The following CNNM1 variants were observed in gnomAD, a reference collection of about 807,000 sequenced individuals.
The protein encoded by CNNM1 is metal transporter CNNM1.
A neutral mutation model predicts 78.8 loss-of-function variants in CNNM1; 44 were observed. That is an observed-to-expected ratio of 0.56 (90% CI 0.44 to 0.72). The LOEUF is 0.72. Among genes scored for constraint, CNNM1 ranks in the 30% least tolerant of loss-of-function variants. The pLI is 0.00. For missense variants in CNNM1, 1,101 were observed against 1,292.2 expected (o/e 0.85, Z 2.27); for synonymous variants, 584 against 581.5 (o/e 1.00, Z -0.06).
At chr10:99,356,572 G>GAAAGAAAAGAAAAGAAAGAAAGAAAGA (rs1554940050) in intron 1 of CNNM1, among the ~76,000 whole-genome samples, 1 of 115,202 alleles carries the variant, frequency 8.7e-6, no homozygotes, top group Non-Finnish European at 1.8e-5. Context: ...CAGAAAGAAA[G>GAAAGAAAAGAAAAGAAAGAAAGAAAGA]AAAGAAAGAA....
At chr10:99,331,449 A>G (rs1367220323) in intron 1 of CNNM1, among the ~76,000 whole-genome samples, 2 of 152,242 alleles carry the variant, frequency 1.3e-5, no homozygotes, top group Non-Finnish European at 2.9e-5. Flanking sequence ...ATAGAGCAGA[A>G]TTTGTGTCTC....
chr10:99,340,861 GCTTC>G lies in CNNM1; in HGVS notation c.1573+9916_1573+9919del, dbSNP rs936044538. On this transcript the variant is annotated intron_variant, in intron 1 of 10. Transcript: ENST00000356713. Reference sequence around the variant, plus strand: ...TCTCTTTCTCTTTCTCTCCTTCCCCGCTTCCTTCCTTCCTTCCTGCCTGCCTGCC... The same window carrying G: ...TCTCTTTCTCTTTCTCTCCTTCCCCGCTTCCTTCCTTCCTGCCTGCCTGCC... Among the ~76,000 whole-genome samples, 102 of 132,836 alleles carry G rather than the reference GCTTC, an allele frequency of 7.7e-4. 1 individual carries two copies. The East Asian group carries it at 0.019, about 25-fold the overall frequency. 87.1% of individuals were successfully genotyped at this position (132,836 alleles called of 152,430 possible). A position where few individuals can be genotyped will look rare whatever the true frequency, so the allele number is the denominator to read the frequency against.
In CNNM1 at chr10:99,330,348, A is replaced by C; in HGVS notation, c.961A>C (p.Ile321Leu). Reference sequence around the variant, plus strand: ...CGGGGAAGACTACAGCGAAGAGGGGATCCACTTCCCGTGGCTGCCGGCGCT... The same window carrying C: ...CGGGGAAGACTACAGCGAAGAGGGGCTCCACTTCCCGTGGCTGCCGGCGCT... ...GTGEDYSEEG[I>L]HFPWLPALVC... Residue 321 changes from isoleucine to leucine, a missense_variant, in exon 1 of 11, where the codon ATC becomes CTC. Ile to Leu is a conservative substitution (Grantham distance 5, BLOSUM62 2). Around this residue, in one of 3 missense-constraint regions of CNNM1, gnomAD observed 476 missense variants for 484.5 expected, o/e 0.98. Transcript: ENST00000356713. 1 of 1,601,410 alleles carries C rather than the reference A, an allele frequency of 6.2e-7. No homozygotes were observed. The highest frequency in any genetic ancestry group is 8.5e-7 in the Non-Finnish European group (1 of 1,175,010).
chr10:99,335,536 C>T (rs2030135737), intron 1 of CNNM1, among the ~76,000 whole-genome samples: 1 of 152,068 alleles, frequency 6.6e-6, no homozygotes, highest in East Asian at 1.9e-4. Context: ...TGAGGTGAAC[C>T]CTAAGTACGG....
rs1291600090 is a variant in CNNM1, at chr10:99,330,156, C to G, written c.769C>G (p.Leu257Val). Residue 257 changes from leucine to valine, a missense_variant, in exon 1 of 11, where the codon CTG becomes GTG. Leu to Val is a conservative substitution (Grantham distance 32, BLOSUM62 1). Coordinates refer to ENST00000356713, the MANE Select transcript of CNNM1 (RefSeq NM_020348.3). ...LSLDPVELRVLRNSGSAAEQE... is the reference protein window; with the variant it reads ...LSLDPVELRVVRNSGSAAEQE... ...GCTGGACCCGGTGGAGTTACGGGTG[C>G]TGCGGAACAGCGGCTCGGCCGCCGA... 1.9e-6 allele frequency: 3 copies of G among 1,538,640 alleles called. No homozygotes were observed. In the East Asian group the frequency reaches 7.3e-5, roughly 37 times the overall value.
chr10:99,368,755 T>A (rs2031710170), intron 6 of CNNM1: 3 of 1,068,728 alleles, frequency 2.8e-6, no homozygotes, highest in Non-Finnish European at 3.8e-6. Flanking sequence ...TCTGTCACTT[T>A]CCTGCATGAG....
At chr10:99,360,685 C>A in intron 2 of CNNM1, 150 bp from the exon 3 acceptor site, 1 of 1,013,762 alleles carries the variant, frequency 9.9e-7, no homozygotes, top group South Asian at 1.8e-5. Context: ...TATCCCTCAC[C>A]AACATCCTTC....
At chr10:99,343,934 G>T (rs1295142555) in intron 1 of CNNM1, among the ~76,000 whole-genome samples, 1 of 151,028 alleles carries the variant, frequency 6.6e-6, no homozygotes, top group Admixed American at 6.6e-5. Context: ...TATTGGCCAG[G>T]CTGGTCTCGA....
intron 1 of CNNM1, among the ~76,000 whole-genome samples, chr10:99,355,158 T>C (rs2031090106): frequency 6.6e-6 from 1 of 151,804 alleles, no homozygotes; most frequent in Non-Finnish European, 1.5e-5. Flanking sequence ...TTTTTAGCAA[T>C]GGCCAAGCAA....
chr10:99,367,540 C>T (rs59021036), intron 6 of CNNM1, among the ~76,000 whole-genome samples: 13,590 of 152,116 alleles, frequency 0.089, 1,921 homozygotes, highest in African/African-American at 0.3. Flanking sequence ...ACAATGTATA[C>T]AGTTTGGTGT....
At chr10:99,355,846 G>A (rs1452085939) in intron 1 of CNNM1, among the ~76,000 whole-genome samples, 2 of 152,160 alleles carry the variant, frequency 1.3e-5, no homozygotes, top group African/African-American at 2.4e-5. Context: ...AGTAAGACCT[G>A]AATAAATGGA....
In CNNM1 at chr10:99,388,131, T is replaced by C. The variant is rs370109245; in HGVS notation, c.2525-21T>C. ...GGTCTTCTCCAAAGCAGAGAGGTGA[T>C]GCACTCACTGTCCTCCCCAGGCAGC... On this transcript the variant is annotated intron_variant, in intron 8 of 10. Coordinates refer to ENST00000356713, the MANE Select transcript of CNNM1 (RefSeq NM_020348.3). 9 of 1,613,238 alleles carry C rather than the reference T, an allele frequency of 5.6e-6. No individual in the cohort carries two copies. In the African/African-American group the frequency reaches 1.2e-4, roughly 22 times the overall value.
intron 7 of CNNM1, among the ~76,000 whole-genome samples, chr10:99,379,743 T>C (rs2032082162): frequency 6.6e-6 from 1 of 150,520 alleles, no homozygotes; most frequent in Non-Finnish European, 1.5e-5. Context: ...CCTCCCAAAG[T>C]GATGTGATTA....
Position 99,343,640 on chromosome 10 carries a change from C to A in CNNM1, c.1573+12680C>A, listed in dbSNP as rs1383565401. Among the ~76,000 whole-genome samples, 3 of 152,174 alleles carry A rather than the reference C, an allele frequency of 2.0e-5. No individual in the cohort carries two copies. In the East Asian group the frequency reaches 5.8e-4, roughly 29 times the overall value. On this transcript the variant is annotated intron_variant, in intron 1 of 10. Coordinates refer to ENST00000356713, the MANE Select transcript of CNNM1 (RefSeq NM_020348.3). Reference sequence around the variant, plus strand: ...CCAGAGGCCTGAACTCAGATCCCAGCACCTTCGTTGACTAGCTACGACTGG... The same window carrying A: ...CCAGAGGCCTGAACTCAGATCCCAGAACCTTCGTTGACTAGCTACGACTGG...
intron 7 of CNNM1, among the ~76,000 whole-genome samples, chr10:99,384,225 C>T (rs1307637007): frequency 2.6e-5 from 4 of 152,136 alleles, no homozygotes; most frequent in South Asian, 2.1e-4. Flanking sequence ...AAGTGATACC[C>T]GAACCTAGAA....
rs778879185 is a variant in CNNM1 at position 99,387,907 on chromosome 10, G to A, written c.2428G>A (p.Gly810Arg). The change falls in exon 8 of 11, where the codon GGG (glycine) becomes AGG (arginine). Residue 810 changes from glycine (G) to arginine (R), a missense_variant. Transcript: ENST00000356713. The part of the protein sequence containing the change: ...QSPDMEAFTD[G>R]DSTKAPTTRG... The stretch of plus-strand genomic sequence containing the variant: ...CCCTGACATGGAGGCCTTCACAGAC[G>A]GGGACTCCACTAAGGCCCCCACAAC... 9.3e-6 allele frequency: 15 copies of A among 1,613,560 alleles called. No individual in the cohort carries two copies. Among genetic ancestry groups the A allele is most frequent in the Middle Eastern group, 1.6e-4 (1 of 6,084 alleles).
intron 1 of CNNM1, among the ~76,000 whole-genome samples, chr10:99,341,157 A>G (rs1336835293): frequency 6.6e-6 from 1 of 152,194 alleles, no homozygotes; most frequent in Non-Finnish European, 1.5e-5. Flanking sequence ...GCTGAATCCT[A>G]AAGAACGGTG....
chr10:99,388,008 G>C lies in CNNM1; in HGVS notation c.2524+5G>C. On this transcript the variant is annotated splice_donor_5th_base_variant and intron_variant, in intron 8 of 10. Coordinates refer to ENST00000356713, the MANE Select transcript of CNNM1 (RefSeq NM_020348.3). The stretch of plus-strand genomic sequence containing the variant: ...ACAACAGGAACAGCCTGCCGTGTAA[G>C]TCAGCTGGGCAGACGGGCAGGCTGG... 2.5e-6 allele frequency: 4 copies of C among 1,585,148 alleles called. No individual in the cohort carries two copies. The highest frequency in any genetic ancestry group is 3.4e-6 in the Non-Finnish European group (4 of 1,164,812).
chr10:99,351,668 G>C (rs1350444171), intron 1 of CNNM1, among the ~76,000 whole-genome samples: 1 of 151,906 alleles, frequency 6.6e-6, no homozygotes, highest in Non-Finnish European at 1.5e-5. Flanking sequence ...CACCATTTCC[G>C]CCTGCACAAA....
Sources: gnomAD v4.1 joint callset for allele counts (sites outside exome capture counted in the v4.1 genomes callset) on GRCh38, gnomAD v4.1.1 for gene constraint, gnomAD v4.1.1 regional missense constraint, MANE v1.5 for transcripts, NCBI Gene and HGNC (gene_info 2026-07-23, HGNC 2026-07-21) for gene names.